The following ACADM variants were observed in gnomAD, a reference collection of about 807,000 sequenced individuals.
ACADM encodes the protein medium-chain specific acyl-CoA dehydrogenase, mitochondrial.
ACADM carries 49 observed loss-of-function variants against 58.9 expected under a neutral mutation model. The observed-to-expected ratio is 0.83, with a 90% CI of 0.66 to 1.06. The LOEUF is 1.06. Among genes scored for constraint, ACADM ranks in the 50% least tolerant of loss-of-function variants. ACADM has a pLI of 0.00. For synonymous variants in ACADM, 160 were observed against 157.7 expected (o/e 1.01, Z -0.11); for missense variants, 496 against 507.0 (o/e 0.98, Z 0.21).
In ACADM at chr1:75,761,332, C is replaced by A. The variant is rs772137588; in HGVS notation, c.1156C>A (p.Pro386Thr). 1 of 1,613,872 alleles carries A rather than the reference C, an allele frequency of 6.2e-7. No homozygotes were observed. Among genetic ancestry groups the A allele is most frequent in the South Asian group, 1.1e-5 (1 of 91,070 alleles). ...AGGCAATGGATTTAATACAGAATAT[C>A]CTGTAGAAAAACTAATGAGGGATGC... ...LGGNGFNTEY[P>T]VEKLMRDAKI... The change falls in exon 11 of 12, where the codon CCT becomes ACT. Residue 386 changes from proline (P) to threonine (T), a missense_variant. Transcript: ENST00000370841.
chr1:75,744,792 C>T (rs11161511), intron 7 of ACADM: 146,404 of 579,112 alleles, frequency 0.25, 19,898 homozygotes, highest in Non-Finnish European at 0.3. Flanking sequence ...GCCGGGTCTC[C>T]GTTTTATATT....
chr1:75,750,338 T>C, intron 9 of ACADM, 113 bp from the exon 10 acceptor site: 2 of 868,380 alleles, frequency 2.3e-6, no homozygotes, highest in Non-Finnish European at 3.8e-6. Context: ...ACCAGTTTCT[T>C]GTTGCTGTAC....
intron 8 of ACADM, among the ~76,000 whole-genome samples, chr1:75,747,329 C>T (rs1647956607): frequency 6.6e-6 from 1 of 151,824 alleles, no homozygotes; most frequent in Non-Finnish European, 1.5e-5. Context: ...ATACTATATA[C>T]AGTATTCTAT....
At chr1:75,735,264 A>G (rs987427682) in intron 6 of ACADM, among the ~76,000 whole-genome samples, 1 of 150,446 alleles carries the variant, frequency 6.6e-6, no homozygotes, top group African/African-American at 2.5e-5. Flanking sequence ...TGCAGTGAGC[A>G]GAGATCACAC....
chr1:75,734,996 A>G, intron 6 of ACADM, 125 bp downstream of exon 6: 3 of 764,612 alleles, frequency 3.9e-6, no homozygotes, highest in South Asian at 3.1e-5. Flanking sequence ...GCAACATATT[A>G]TTACAATGAT....
intron 1 of ACADM, among the ~76,000 whole-genome samples, chr1:75,727,968 C>T (rs1168313920): frequency 1.3e-5 from 2 of 152,106 alleles, no homozygotes; most frequent in Non-Finnish European, 2.9e-5. Context: ...ATGGGAGGCT[C>T]ACAGTGACAG....
chr1:75,729,465 TTTTTC>T (rs1647111815), intron 2 of ACADM, among the ~76,000 whole-genome samples: 1 of 149,076 alleles, frequency 6.7e-6, no homozygotes, highest in South Asian at 2.1e-4. Flanking sequence ...GTTTTTTTTT[TTTTTC>T]CTGTGACTTC....
At chr1:75,733,405 T>G in intron 4 of ACADM, 123 bp from the exon 5 acceptor site, 1 of 1,056,516 alleles carries the variant, frequency 9.5e-7, no homozygotes, top group Non-Finnish European at 1.4e-6. Flanking sequence ...ATGTAGATAT[T>G]ATATTGCAAA....
At chr1:75,743,511 A>T in intron 7 of ACADM, 1 of 1,609,278 alleles carries the variant, frequency 6.2e-7, no homozygotes, top group Non-Finnish European at 8.5e-7. Context: ...TCAGCCGGTG[A>T]TCATAGGTCA....
chr1:75,737,825 C>T, intron 6 of ACADM, among the ~76,000 whole-genome samples: 1 of 151,974 alleles, frequency 6.6e-6, no homozygotes, highest in Non-Finnish European at 1.5e-5. Flanking sequence ...CCAGTTCATA[C>T]TGTAATAGGT....
intron 7 of ACADM, chr1:75,744,729 G>A: frequency 1.3e-6 from 1 of 751,174 alleles, no homozygotes; most frequent in Non-Finnish European, 2.5e-6. Flanking sequence ...GGAAGGCAGA[G>A]AGCGAGTGGC....
chr1:75,762,354 C>A (rs1441851344), intron 11 of ACADM, among the ~76,000 whole-genome samples: 1 of 151,688 alleles, frequency 6.6e-6, no homozygotes, highest in East Asian at 1.9e-4. Context: ...TAGCTAAGAA[C>A]AGTTCAGAAA....
intron 8 of ACADM, among the ~76,000 whole-genome samples, chr1:75,748,476 A>G (rs934015577): frequency 1.3e-5 from 2 of 152,208 alleles, no homozygotes; most frequent in Non-Finnish European, 2.9e-5. Flanking sequence ...AAAGGAGGGG[A>G]GTATCCGTCA....
chr1:75,737,469 A>T (rs1429862762), intron 6 of ACADM, among the ~76,000 whole-genome samples: 3 of 151,882 alleles, frequency 2.0e-5, no homozygotes, highest in African/African-American at 7.2e-5. Context: ...GATGTCTAAT[A>T]GCATATTTCA....
chr1:75,756,354 A>G (rs1648505042), intron 10 of ACADM, among the ~76,000 whole-genome samples: 2 of 152,222 alleles, frequency 1.3e-5, no homozygotes. Flanking sequence ...GCAGATAAGC[A>G]ACTTCAGCAA....
intron 7 of ACADM, chr1:75,744,682 G>A: frequency 1.2e-6 from 1 of 815,638 alleles, no homozygotes; most frequent in Non-Finnish European, 2.2e-6. Flanking sequence ...GGAGACCCCA[G>A]GCAGGGAATG....
chr1:75,727,220 A>G (rs931745776), intron 1 of ACADM, among the ~76,000 whole-genome samples: 1 of 152,238 alleles, frequency 6.6e-6, no homozygotes, highest in African/African-American at 2.4e-5. Flanking sequence ...TGTTTCAATT[A>G]CAAATATTTG....
chr1:75,726,200 G>A (rs1264149136), intron 1 of ACADM, among the ~76,000 whole-genome samples: 4 of 152,098 alleles, frequency 2.6e-5, no homozygotes, highest in Admixed American at 2.6e-4. Context: ...TTAAGGCCAG[G>A]AGTTCGAGAC....
At chr1:75,737,279 A>AAACAT (rs1553123496) in intron 6 of ACADM, among the ~76,000 whole-genome samples, 1 of 43,126 alleles carries the variant, frequency 2.3e-5, no homozygotes, top group Non-Finnish European at 4.0e-5. Flanking sequence ...CACACACACA[A>AAACAT]ATATATATAT....
Sources: gnomAD v4.1 joint callset for allele counts (sites outside exome capture counted in the v4.1 genomes callset) on GRCh38, gnomAD v4.1.1 for gene constraint, MANE v1.5 for transcripts, NCBI Gene and HGNC (gene_info 2026-07-23, HGNC 2026-07-21) for gene names.